The following KCNAB1 variants were observed in gnomAD, a reference collection of about 807,000 sequenced individuals.
KCNAB1 encodes the protein voltage-gated potassium channel subunit beta-1.
KCNAB1 carries 35 observed loss-of-function variants against 64.6 expected under a neutral mutation model. That is an observed-to-expected ratio of 0.54 (90% confidence interval 0.41 to 0.72). KCNAB1 has a LOEUF of 0.72. KCNAB1 is among the 30% of genes least tolerant of loss of function. The pLI is 0.00. For synonymous variants in KCNAB1, 177 were observed against 183.8 expected, an observed-to-expected ratio of 0.96 and a Z score of 0.30; for missense variants, 401 against 512.9, an observed-to-expected ratio of 0.78 and a Z score of 2.11.
chr3:156,289,092 A>G (rs962475720), intron 1 of KCNAB1, among the ~76,000 whole-genome samples: 6 of 151,880 alleles, frequency 4.0e-5, no homozygotes, highest in Middle Eastern at 3.2e-3. Flanking sequence ...CTAATAACCT[A>G]CTCCCTGTTC....
chr3:156,162,279 A>G (rs973462899), intron 1 of KCNAB1, among the ~76,000 whole-genome samples: 6 of 152,152 alleles, frequency 3.9e-5, no homozygotes. Flanking sequence ...TTAGCAAGGA[A>G]GACAGAGAAA....
At chr3:156,393,327 C>T (rs189621684) in intron 1 of KCNAB1, among the ~76,000 whole-genome samples, 2 of 152,262 alleles carry the variant, frequency 1.3e-5, no homozygotes, top group Admixed American at 1.3e-4. Context: ...TATGTCTATT[C>T]TTCAGAGCAA....
chr3:156,432,805 T>C (rs1019573449), intron 2 of KCNAB1, among the ~76,000 whole-genome samples: 3 of 152,150 alleles, frequency 2.0e-5, no homozygotes, highest in Admixed American at 6.5e-5. Context: ...CTCTGAAGAA[T>C]AGAGGACACA....
At chr3:156,401,972 G>A (rs1448274616) in intron 1 of KCNAB1, among the ~76,000 whole-genome samples, 2 of 152,070 alleles carry the variant, frequency 1.3e-5, no homozygotes, top group East Asian at 1.9e-4. Flanking sequence ...GTTACAGGGC[G>A]GGGAACATTT....
chr3:156,460,519 C>T (rs1416513151), intron 5 of KCNAB1: 1 of 152,174 alleles, frequency 6.6e-6, no homozygotes, highest in Admixed American at 6.5e-5. Flanking sequence ...GGTAATACTT[C>T]CCCATTTCAC....
At chr3:156,344,207 G>T (rs1397454524) in intron 1 of KCNAB1, among the ~76,000 whole-genome samples, 1 of 152,148 alleles carries the variant, frequency 6.6e-6, no homozygotes, top group African/African-American at 2.4e-5. Context: ...GATCTATTAG[G>T]ATTATAAAGG....
chr3:156,375,442 G>A (rs1446145916), intron 1 of KCNAB1, among the ~76,000 whole-genome samples: 1 of 135,028 alleles, frequency 7.4e-6, no homozygotes, highest in East Asian at 1.9e-4. Context: ...AGCTGGGAAG[G>A]GGCAGAGAAT....
At chr3:156,362,311 G>A (rs1194632414) in intron 1 of KCNAB1, among the ~76,000 whole-genome samples, 1 of 152,242 alleles carries the variant, frequency 6.6e-6, no homozygotes, top group East Asian at 1.9e-4. Flanking sequence ...AAATAGGAAT[G>A]AGGAGTGAAG....
intron 8 of KCNAB1, among the ~76,000 whole-genome samples, chr3:156,482,705 T>C (rs1714919238): frequency 6.6e-6 from 1 of 152,106 alleles, no homozygotes; most frequent in South Asian, 2.1e-4. Flanking sequence ...TTCTTATCTG[T>C]AGAACGTAGG....
At position 156,304,936 on chromosome 3, in the gene KCNAB1, A is replaced by G. The variant is rs528642076; in HGVS notation, c.276-116680A>G. Among the ~76,000 whole-genome samples the G allele has an allele frequency of 3.3e-5, 5 of 152,290 alleles. No individual in the cohort carries two copies. The East Asian group carries it at 9.6e-4, about 29-fold the overall frequency. On this transcript the variant is annotated intron_variant, in intron 1 of 13. Coordinates refer to ENST00000490337, the MANE Select transcript of KCNAB1 (RefSeq NM_172160.3). The stretch of plus-strand genomic sequence containing the variant: ...CCTACATGTTTAGTCCATAATTTAT[A>G]TCGAGTATGTGAATGTGTGTGTGAT...
upstream of KCNAB1, among the ~76,000 whole-genome samples, chr3:156,119,547 A>G: frequency 6.6e-6 from 1 of 152,194 alleles, no homozygotes; most frequent in East Asian, 1.9e-4. Flanking sequence ...TTTGTCATGG[A>G]AAGAAAAATA....
At chr3:156,215,738 C>T (rs1488076233) in intron 1 of KCNAB1, 1 of 152,198 alleles carries the variant, frequency 6.6e-6, no homozygotes, top group Non-Finnish European at 1.5e-5. Flanking sequence ...TCACAGGCTA[C>T]CTGGGGAGGA....
At chr3:156,372,400 G>A (rs1406685249) in intron 1 of KCNAB1, among the ~76,000 whole-genome samples, 4 of 152,190 alleles carry the variant, frequency 2.6e-5, no homozygotes, top group Non-Finnish European at 5.9e-5. Flanking sequence ...TAAAACAGTG[G>A]TTCTCAAATT....
At chr3:156,516,939 T>C (rs1717603106) in intron 11 of KCNAB1, among the ~76,000 whole-genome samples, 1 of 152,208 alleles carries the variant, frequency 6.6e-6, no homozygotes, top group Non-Finnish European at 1.5e-5. Flanking sequence ...CAAAAAGATA[T>C]TCAAGATCAT....
intron 1 of KCNAB1, chr3:156,142,827 C>G (rs571505078): frequency 4.3e-6 from 1 of 229,902 alleles, no homozygotes; most frequent in East Asian, 1.7e-4. Context: ...AAAATATTTC[C>G]TTTTACCTAA....
intron 1 of KCNAB1, chr3:156,292,119 T>A (rs917267638): frequency 5.0e-6 from 8 of 1,613,672 alleles, no homozygotes; most frequent in Non-Finnish European, 8.5e-7. Flanking sequence ...CAGACTGGCA[T>A]GAAATATAGG....
Position 156,466,708 on chromosome 3 carries a change from A to G in KCNAB1, c.571+1022A>G, listed in dbSNP as rs535778342. Among the ~76,000 whole-genome samples the G allele has an allele frequency of 4.6e-5, 7 of 152,188 alleles. No homozygotes were observed. The East Asian group carries it at 1.3e-3, about 29-fold the overall frequency. On this transcript the variant is annotated intron_variant, in intron 7 of 13. Transcript: ENST00000490337. ...CCACTAGGTAATTGATTCCTGGTGC[A>G]TTACTTTTGCAAGGCACCCAAAACT... is the stretch of plus-strand genomic sequence containing the variant.
At chr3:156,414,749 C>A (rs1559873132) in intron 1 of KCNAB1, among the ~76,000 whole-genome samples, 1 of 152,186 alleles carries the variant, frequency 6.6e-6, no homozygotes, top group Non-Finnish European at 1.5e-5. Context: ...TGATGTCCAG[C>A]TTTTCTGCTG....
intron 1 of KCNAB1, among the ~76,000 whole-genome samples, chr3:156,330,171 G>A (rs1252746964): frequency 1.3e-5 from 2 of 152,058 alleles, no homozygotes; most frequent in East Asian, 3.9e-4. Context: ...TGAAAAGTGA[G>A]GAAATTGGAC....
Sources: gnomAD v4.1 joint callset for allele counts (sites outside exome capture counted in the v4.1 genomes callset) on GRCh38, gnomAD v4.1.1 for gene constraint, MANE v1.5 for transcripts, NCBI Gene and HGNC (gene_info 2026-07-23, HGNC 2026-07-21) for gene names.